The following DYNC1I1 variants were observed in gnomAD, a reference collection of about 807,000 sequenced individuals.
DYNC1I1 encodes dynein cytoplasmic 1 intermediate chain 1, also known as cytoplasmic dynein 1 intermediate chain 1.
In DYNC1I1, 43 loss-of-function variants were observed where a neutral mutation model predicts 86.6. The ratio of observed to expected loss-of-function variants is 0.50; its 90% CI spans 0.39 to 0.64. The LOEUF (loss-of-function observed/expected upper bound fraction) is 0.64. DYNC1I1 is among the 30% of genes least tolerant of loss of function. The pLI, the probability that DYNC1I1 is intolerant of heterozygous loss-of-function variation, is 0.00. For synonymous variants in DYNC1I1, 262 were observed against 283.7 expected (o/e 0.92, Z 0.77); for missense variants, 604 against 788.8 (o/e 0.77, Z 2.81).
chr7:95,809,938 T>G (rs1401474729), intron 2 of DYNC1I1, among the ~76,000 whole-genome samples: 1 of 152,162 alleles, frequency 6.6e-6, no homozygotes, highest in Admixed American at 6.6e-5. Context: ...TTAAAAATTT[T>G]CATAAATAGT....
At chr7:96,032,311 G>T (rs913492295) in intron 11 of DYNC1I1, among the ~76,000 whole-genome samples, 1 of 152,086 alleles carries the variant, frequency 6.6e-6, no homozygotes, top group African/African-American at 2.4e-5. Context: ...CATCACTCTT[G>T]TTGAGCTTAG....
chr7:96,076,003 C>G lies in DYNC1I1; in HGVS notation c.1510-54C>G. Reference sequence around the variant, plus strand: ...AAAGTTTTTAATTAGGCTCTCTAGACAGCCCGAGGCAGCAGCAGCGCCACA... The same window carrying G: ...AAAGTTTTTAATTAGGCTCTCTAGAGAGCCCGAGGCAGCAGCAGCGCCACA... On this transcript the variant is annotated intron_variant, in intron 14 of 16. Transcript: ENST00000447467. 5 of 1,590,058 alleles carry G rather than the reference C, an allele frequency of 3.1e-6. No homozygotes were observed. The South Asian group carries it at 5.6e-5, about 18-fold the overall frequency.
At chr7:95,957,390 A>G (rs560797355) in intron 6 of DYNC1I1, among the ~76,000 whole-genome samples, 1 of 152,208 alleles carries the variant, frequency 6.6e-6, no homozygotes, top group East Asian at 1.9e-4. Flanking sequence ...AACTGCCCCT[A>G]AAGTCAATAT....
chr7:95,934,433 A>G (rs1278682039), intron 6 of DYNC1I1, among the ~76,000 whole-genome samples: 1 of 152,236 alleles, frequency 6.6e-6, no homozygotes, highest in African/African-American at 2.4e-5. Flanking sequence ...TAAGGCTTCC[A>G]TTATGTAAAC....
At chr7:96,000,454 A>G (rs1030493428) in intron 10 of DYNC1I1, among the ~76,000 whole-genome samples, 2 of 152,236 alleles carry the variant, frequency 1.3e-5, no homozygotes, top group Admixed American at 1.3e-4. Context: ...AAACTCTTAC[A>G]TAAAAGATAC....
downstream of DYNC1I1, among the ~76,000 whole-genome samples, chr7:96,101,071 A>AC (rs1466354046): frequency 1.3e-5 from 2 of 152,152 alleles, no homozygotes; most frequent in East Asian, 3.9e-4. Context: ...GGATGATGAG[A>AC]CCCCAGAGTA....
intron 4 of DYNC1I1, chr7:95,818,473 A>ATTTT (rs10590197): frequency 4.0e-4 from 229 of 574,236 alleles, no homozygotes; most frequent in South Asian, 1.1e-3. Context: ...AGCTGATTTA[A>ATTTT]TTTTTTTTTT....
rs185290533 is a variant in DYNC1I1 at position 96,074,312 on chromosome 7, G to A, written c.1510-1745G>A. ...CGCCTGTAATCCCAGCACTTTGGGA[G>A]GCCAAGACGGGCGGATCACGAGGTC... On this transcript the variant is annotated intron_variant, in intron 14 of 16. Coordinates refer to ENST00000447467, the MANE Select transcript of DYNC1I1 (RefSeq NM_001135556.2). 9.5e-3 allele frequency among the ~76,000 whole-genome samples: 1,451 copies of A among 152,248 alleles called. 20 individuals carry two copies. The highest frequency in any genetic ancestry group is 0.033 in the African/African-American group (1,386 of 41,544).
chr7:96,040,716 GTT>G (rs61104103), intron 14 of DYNC1I1, among the ~76,000 whole-genome samples: 3 of 144,806 alleles, frequency 2.1e-5, no homozygotes, highest in Non-Finnish European at 3.0e-5. Context: ...CAAATGAGTA[GTT>G]TTTTTTTTTT....
chr7:95,925,454 T>G (rs1791718814), intron 6 of DYNC1I1, among the ~76,000 whole-genome samples: 1 of 152,194 alleles, frequency 6.6e-6, no homozygotes, highest in African/African-American at 2.4e-5. Context: ...AGTAATGGAC[T>G]AATACACATT....
chr7:95,829,365 A>C (rs1795271353), intron 5 of DYNC1I1, among the ~76,000 whole-genome samples: 1 of 152,154 alleles, frequency 6.6e-6, no homozygotes, highest in East Asian at 1.9e-4. Flanking sequence ...TTTCTTTTTT[A>C]ACCTTACTAA....
At chr7:95,775,699 A>C (rs1228610012) in intron 1 of DYNC1I1, among the ~76,000 whole-genome samples, 2 of 152,216 alleles carry the variant, frequency 1.3e-5, no homozygotes, top group East Asian at 3.9e-4. Context: ...CCTTAATGAA[A>C]GTAGCTGTTA....
chr7:95,990,185 A>T (rs1793696726), intron 9 of DYNC1I1, among the ~76,000 whole-genome samples: 1 of 152,216 alleles, frequency 6.6e-6, no homozygotes. Flanking sequence ...CTGGAGGATT[A>T]TGTCAACTTT....
chr7:96,061,031 T>A (rs544381948), intron 14 of DYNC1I1, among the ~76,000 whole-genome samples: 19 of 152,096 alleles, frequency 1.2e-4, no homozygotes, highest in Non-Finnish European at 1.9e-4. Context: ...AGGGAGGACT[T>A]TATCTGGATG....
chr7:95,973,385 T>A (rs1161735106), intron 6 of DYNC1I1, among the ~76,000 whole-genome samples: 1 of 152,202 alleles, frequency 6.6e-6, no homozygotes, highest in East Asian at 1.9e-4. Context: ...AGACAAAGAA[T>A]TCTGTGACCA....
At chr7:95,925,034 A>G (rs945553957) in intron 6 of DYNC1I1, among the ~76,000 whole-genome samples, 20 of 152,180 alleles carry the variant, frequency 1.3e-4, no homozygotes, top group African/African-American at 4.8e-4. Flanking sequence ...TGGTGACTTA[A>G]GGTTTCTGTT....
intron 14 of DYNC1I1, among the ~76,000 whole-genome samples, chr7:96,048,607 G>A (rs1328956470): frequency 6.6e-6 from 1 of 152,102 alleles, no homozygotes; most frequent in Admixed American, 6.6e-5. Context: ...CTAAACCACC[G>A]TAAAGTTCTA....
intron 10 of DYNC1I1, among the ~76,000 whole-genome samples, chr7:96,024,932 A>G (rs1240799409): frequency 1.3e-5 from 2 of 152,178 alleles, no homozygotes; most frequent in East Asian, 3.9e-4. Flanking sequence ...TTGCAACAGT[A>G]AAAGGTTTCT....
intron 14 of DYNC1I1, among the ~76,000 whole-genome samples, chr7:96,043,550 A>G (rs78873061): frequency 0.041 from 6,279 of 151,936 alleles, 187 homozygotes; most frequent in Non-Finnish European, 0.068. Context: ...AAAAAAAAAA[A>G]ACAGAACAAA....
Sources: gnomAD v4.1 joint callset for allele counts (sites outside exome capture counted in the v4.1 genomes callset) on GRCh38, gnomAD v4.1.1 for gene constraint, MANE v1.5 for transcripts, NCBI Gene and HGNC (gene_info 2026-07-23, HGNC 2026-07-21) for gene names.